Variants in FHIP1A observed in about 807,000 individuals in gnomAD.
FHIP1A encodes the protein FHF complex subunit HOOK-interacting protein 1A.
A neutral mutation model predicts 88.6 loss-of-function variants in FHIP1A; 61 were observed. That is an observed-to-expected ratio of 0.69 (90% CI 0.56 to 0.85). The LOEUF (loss-of-function observed/expected upper bound fraction) is 0.85, where lower values mean the gene tolerates loss of function less well. FHIP1A is among the 40% of genes least tolerant of loss of function. FHIP1A has a pLI of 0.00. For synonymous variants in FHIP1A, 478 were observed against 496.0 expected (o/e 0.96, Z 0.48); for missense variants, 1,154 against 1,273.5 (o/e 0.91, Z 1.43).
chr4:151,467,260 A>C (rs937204446), intron 2 of FHIP1A, among the ~76,000 whole-genome samples: 1 of 152,256 alleles, frequency 6.6e-6, no homozygotes, highest in Non-Finnish European at 1.5e-5. Context: ...AATGCAAATC[A>C]AAACCACAAT....
intron 1 of FHIP1A, among the ~76,000 whole-genome samples, chr4:151,416,678 A>C (rs1221939052): frequency 1.3e-5 from 2 of 152,200 alleles, no homozygotes; most frequent in Non-Finnish European, 2.9e-5. Flanking sequence ...TCTTGGTATA[A>C]AAATTTTTCT....
At chr4:151,515,590 G>A (rs1180259787) in intron 3 of FHIP1A, among the ~76,000 whole-genome samples, 1 of 152,178 alleles carries the variant, frequency 6.6e-6, no homozygotes, top group East Asian at 1.9e-4. Context: ...TAAGCTGATA[G>A]CAACTTCAGC....
chr4:151,563,222 A>C (rs1733241545), intron 3 of FHIP1A, among the ~76,000 whole-genome samples: 1 of 152,160 alleles, frequency 6.6e-6, no homozygotes, highest in African/African-American at 2.4e-5. Flanking sequence ...ATATTTTGAC[A>C]GCTCATCTCT....
intron 7 of FHIP1A, among the ~76,000 whole-genome samples, chr4:151,606,691 C>A (rs1014964162): frequency 6.6e-6 from 1 of 152,188 alleles, no homozygotes; most frequent in Non-Finnish European, 1.5e-5. Flanking sequence ...ACTGAAGGCT[C>A]CTGAACATTG....
At chr4:151,575,509 C>T (rs1200155189) in intron 4 of FHIP1A, among the ~76,000 whole-genome samples, 1 of 152,118 alleles carries the variant, frequency 6.6e-6, no homozygotes, top group Non-Finnish European at 1.5e-5. Context: ...TGGAGTCAGG[C>T]ATGCAGCAAA....
At chr4:151,501,801 GT>G (rs372529550) in intron 3 of FHIP1A, among the ~76,000 whole-genome samples, 6,007 of 135,014 alleles carry the variant, frequency 0.044, 210 homozygotes, top group East Asian at 0.12. Context: ...AGTTGTAAGA[GT>G]TTTTTTTTTT....
At chr4:151,485,282 GTTTTT>G (rs74327398) in intron 3 of FHIP1A, among the ~76,000 whole-genome samples, 30,075 of 118,678 alleles carry the variant, frequency 0.25, 2,756 homozygotes, top group Non-Finnish European at 0.33. Flanking sequence ...ATCTTTTCCA[GTTTTT>G]TTTTTTTTTT....
At chr4:151,576,610 C>A (rs1733801065) in intron 4 of FHIP1A, among the ~76,000 whole-genome samples, 3 of 152,148 alleles carry the variant, frequency 2.0e-5, no homozygotes, top group African/African-American at 7.2e-5. Flanking sequence ...TTAATCACTC[C>A]AAACTTTAGG....
intron 7 of FHIP1A, among the ~76,000 whole-genome samples, chr4:151,594,615 T>G (rs11932178): frequency 2.0e-5 from 3 of 150,962 alleles, no homozygotes; most frequent in African/African-American, 7.3e-5. Context: ...CTCGCTCTGT[T>G]GCCCAGGCTG....
At chr4:151,477,053 A>G (rs930018148) in intron 2 of FHIP1A, among the ~76,000 whole-genome samples, 1 of 152,220 alleles carries the variant, frequency 6.6e-6, no homozygotes, top group East Asian at 1.9e-4. Context: ...CTGTGAATTA[A>G]TCTGTATTTT....
At chr4:151,494,892 T>C (rs1490308436) in intron 3 of FHIP1A, among the ~76,000 whole-genome samples, 1 of 152,230 alleles carries the variant, frequency 6.6e-6, no homozygotes, top group Non-Finnish European at 1.5e-5. Context: ...GTAGAGATGT[T>C]TCACCTTCCT....
At chr4:151,551,879 C>T (rs552489309) in intron 3 of FHIP1A, among the ~76,000 whole-genome samples, 1 of 152,254 alleles carries the variant, frequency 6.6e-6, no homozygotes, top group Non-Finnish European at 1.5e-5. Flanking sequence ...AAACTACCAT[C>T]AGAGTGAACA....
At chr4:151,456,626 A>G (rs1212051913) in intron 2 of FHIP1A, among the ~76,000 whole-genome samples, 1 of 152,220 alleles carries the variant, frequency 6.6e-6, no homozygotes, top group South Asian at 2.1e-4. Flanking sequence ...TAATGAAAGT[A>G]TAACTTTTAT....
intron 7 of FHIP1A, among the ~76,000 whole-genome samples, chr4:151,599,649 G>C (rs917080290): frequency 2.6e-5 from 4 of 152,176 alleles, no homozygotes; most frequent in Non-Finnish European, 5.9e-5. Flanking sequence ...CCAGTCACTG[G>C]CTGGGAACAA....
intron 8 of FHIP1A, 26 bp downstream of exon 8, chr4:151,629,895 A>G: frequency 6.5e-7 from 1 of 1,541,698 alleles, no homozygotes; most frequent in Non-Finnish European, 8.8e-7. Context: ...GAGGAAGGGA[A>G]CTTACAACTC....
At chr4:151,616,434 T>C (rs1346760697) in intron 7 of FHIP1A, among the ~76,000 whole-genome samples, 1 of 145,214 alleles carries the variant, frequency 6.9e-6, no homozygotes, top group Non-Finnish European at 1.5e-5. Context: ...AAATATATCT[T>C]TCTTTCTTTC....
chr4:151,649,713 C>T lies in FHIP1A; in HGVS notation c.1672C>T (p.Leu558Phe). Residue 558 changes from leucine to phenylalanine, a missense_variant, in exon 11 of 14, where the codon CTC becomes TTC. By Grantham distance (22) the Leu-to-Phe change is conservative. Coordinates refer to ENST00000435205, the MANE Select transcript of FHIP1A (RefSeq NM_001109977.3). ...ACPVFGLPQQ[L>F]PRKTGPQLAP... ...CCCTGTGTTCGGGCTCCCGCAACAA[C>T]TCCCCAGGAAGACAGGACCTCAGCT... 1.3e-6 allele frequency: 2 copies of T among 1,551,590 alleles called. No individual in the cohort carries two copies. Among genetic ancestry groups the T allele is most frequent in the Non-Finnish European group, 8.7e-7 (1 of 1,146,946 alleles).
intron 3 of FHIP1A, among the ~76,000 whole-genome samples, chr4:151,495,074 T>A (rs1657450186): frequency 6.6e-6 from 1 of 152,178 alleles, no homozygotes; most frequent in African/African-American, 2.4e-5. Flanking sequence ...TTTAGGGGCT[T>A]TTGGGCAGAG....
intron 5 of FHIP1A, among the ~76,000 whole-genome samples, chr4:151,582,068 C>CAAATGT (rs1734045626): frequency 6.6e-6 from 1 of 152,032 alleles, no homozygotes; most frequent in Non-Finnish European, 1.5e-5. Context: ...TATATATTGG[C>CAAATGT]AAATGTAGAA....
Sources: allele counts gnomAD v4.1 joint callset (sites outside exome capture counted in the v4.1 genomes callset), GRCh38; gene constraint gnomAD v4.1.1; transcripts MANE v1.5; gene names NCBI Gene and HGNC (gene_info 2026-07-23, HGNC 2026-07-21).